The following ZBTB48 variants were observed in gnomAD, a reference collection of about 807,000 sequenced individuals.
ZBTB48 encodes zinc finger and BTB domain-containing protein 48.
A neutral mutation model predicts 64.5 loss-of-function variants in ZBTB48; 35 were observed. That is an observed-to-expected ratio of 0.54 (90% CI 0.41 to 0.72). The LOEUF (loss-of-function observed/expected upper bound fraction) is 0.72. Among genes scored for constraint, ZBTB48 ranks in the 30% least tolerant of loss-of-function variants. The pLI, the probability that ZBTB48 is intolerant of heterozygous loss-of-function variation, is 0.00. For synonymous variants in ZBTB48, 442 were observed against 356.7 expected, an observed-to-expected ratio of 1.24 and a Z score of -2.70; for missense variants, 828 against 895.3, an observed-to-expected ratio of 0.92 and a Z score of 0.96.
chr1:6,581,305 G>A lies in ZBTB48; in HGVS notation c.690+6G>A, dbSNP rs1640446069. On this transcript the variant is annotated splice_donor_region_variant and intron_variant, in intron 2 of 10. Transcript: ENST00000377674. ...TGCAGGGCGGCAGTAATGAGGTACTGTGCCCAGGGTGTTGGGACTGGGGAG... is the reference window on the plus strand; with the variant it reads ...TGCAGGGCGGCAGTAATGAGGTACTATGCCCAGGGTGTTGGGACTGGGGAG... 6.3e-7 allele frequency: 1 copy of A among 1,585,504 alleles called. No homozygotes were observed. The highest frequency in any genetic ancestry group is 1.7e-4 in the Middle Eastern group (1 of 5,812).
intron 2 of ZBTB48, among the ~76,000 whole-genome samples, chr1:6,581,781 T>C (rs1570157096): frequency 6.6e-6 from 1 of 152,214 alleles, no homozygotes; most frequent in Admixed American, 6.5e-5. Flanking sequence ...GCCCCAGCTG[T>C]TCACGGTTGC....
At position 6,587,278 on chromosome 1, in the gene ZBTB48, C is replaced by G. The variant is rs771238679; in HGVS notation, c.1211C>G (p.Pro404Arg). ...CACATGATCAAACTTCATGGAGCCC[C>G]CAAGCCCCATGCAGTAAGTGACAGG... is the stretch of plus-strand genomic sequence containing the variant. Reference protein sequence around the residue: ...QSHMIKLHGAPKPHACPTCAK... With the variant: ...QSHMIKLHGARKPHACPTCAK... Residue 404 changes from proline (P) to arginine (R), a missense_variant, in exon 6 of 11, where the codon CCC becomes CGC. Pro to Arg is a moderately radical substitution (Grantham distance 103). Coordinates refer to ENST00000377674, the MANE Select transcript of ZBTB48 (RefSeq NM_005341.4). 2.5e-6 allele frequency: 4 copies of G among 1,613,956 alleles called. No homozygotes were observed. The South Asian group carries it at 4.4e-5, about 18-fold the overall frequency.
At chr1:6,582,416 C>T (rs910450611) in intron 3 of ZBTB48, 117 bp downstream of exon 3, 10 of 1,346,850 alleles carry the variant, frequency 7.4e-6, no homozygotes, top group Admixed American at 2.1e-5. Context: ...CTCAGACCCA[C>T]ATAGTGTCTG....
In ZBTB48 at chr1:6,587,229, A is replaced by T. The variant is rs754043246; in HGVS notation, c.1162A>T (p.Met388Leu). ...GTGTTCCTCCTGCTCCCAGCAGTTC[A>T]TGCAGAAGAAGGACTTGCAGAGCCA... ...YKCSSCSQQFMQKKDLQSHMI... is the reference protein window; with the variant it reads ...YKCSSCSQQFLQKKDLQSHMI... The change falls in exon 6 of 11, where the codon ATG (methionine) becomes TTG (leucine). Residue 388 changes from methionine to leucine, a missense_variant. By Grantham distance (15) the Met-to-Leu change is conservative. Transcript: ENST00000377674. 1 of 1,614,018 alleles carries T rather than the reference A, an allele frequency of 6.2e-7. No individual in the cohort carries two copies.
At chr1:6,581,678 A>T (rs567940924) in intron 2 of ZBTB48, among the ~76,000 whole-genome samples, 89 of 152,084 alleles carry the variant, frequency 5.9e-4, no homozygotes, top group African/African-American at 1.1e-3. Context: ...AAAAAAAAAA[A>T]ATATGTGGAC....
In ZBTB48 at chr1:6,586,779, C is replaced by T; in HGVS notation, c.1129C>T (p.Pro377Ser). ...CATGGTGTCTCACACAGGGGAGATG[C>T]CCTACAAGGTCAGGCTTGGCCTGTC... ...VHMVSHTGEMPYKCSSCSQQF... is the reference protein window; with the variant it reads ...VHMVSHTGEMSYKCSSCSQQF... Residue 377 changes from proline (P) to serine (S), a missense_variant, in exon 5 of 11, where the codon CCC becomes TCC. Coordinates refer to ENST00000377674, the MANE Select transcript of ZBTB48 (RefSeq NM_005341.4). The T allele has an allele frequency of 6.2e-7, 1 of 1,608,828 alleles. No homozygotes were observed. The highest frequency in any genetic ancestry group is 1.7e-5 in the Admixed American group (1 of 59,422).
intron 9 of ZBTB48, 50 bp downstream of exon 9, chr1:6,588,492 G>A (rs1193057103): frequency 9.6e-6 from 14 of 1,462,920 alleles, no homozygotes; most frequent in Admixed American, 2.6e-5. Flanking sequence ...CGAGTTGGAG[G>A]GTCTCTGAGG....
At position 6,589,179 on chromosome 1, in the gene ZBTB48, C is replaced by T; in HGVS notation, c.2034C>T (p.Ile678=). ...GTGTCCTGGAGCCCTCCCTCATCAT[C>T]ACAGCTGCTGTCCCCGAGGACTGTG... The part of the protein sequence containing the change: ...GPGVLEPSLI[I]TAAVPEDCDT Residue 678 remains isoleucine (I), a synonymous_variant, in exon 11 of 11, where the codon ATC becomes ATT. Transcript: ENST00000377674. 1.3e-6 allele frequency: 2 copies of T among 1,539,236 alleles called. No individual in the cohort carries two copies. Among genetic ancestry groups the T allele is most frequent in the South Asian group, 2.5e-5 (2 of 79,422 alleles).
At chr1:6,586,481 C>T in intron 4 of ZBTB48, 2 of 1,014,952 alleles carry the variant, frequency 2.0e-6, no homozygotes, top group Middle Eastern at 3.4e-4. Flanking sequence ...TGCCCCCAGT[C>T]TGTCTGGGCC....
At position 6,581,267 on chromosome 1, in the gene ZBTB48, G is replaced by T; in HGVS notation, c.658G>T (p.Glu220Ter). 1 of 1,608,648 alleles carries T rather than the reference G, an allele frequency of 6.2e-7. No homozygotes were observed. Residue 220 changes from glutamate (E) to a stop codon, truncating the protein, a stop_gained, in exon 2 of 11, where the codon GAA (glutamate) becomes TAA (stop). Transcript: ENST00000377674. LOFTEE classifies it high-confidence loss of function. ...AGTGCCCCCAAGGCCCTTAGAGGCT[G>T]AAGGTGCCCAGCTGCAGGGCGGCAG... is the stretch of plus-strand genomic sequence containing the variant. ...CKVPPRPLEA[E>*]GAQLQGGSNE...
intron 3 of ZBTB48, chr1:6,585,514 C>CGCAGG (rs1640627161): frequency 5.0e-6 from 1 of 201,906 alleles, no homozygotes; most frequent in African/African-American, 2.3e-5. Context: ...GCTCCCCTGG[C>CGCAGG]TACCTGGGAG....
At chr1:6,587,329 G>T in intron 6 of ZBTB48, 38 bp downstream of exon 6, 3 of 1,613,446 alleles carry the variant, frequency 1.9e-6, no homozygotes, top group Non-Finnish European at 2.5e-6. Flanking sequence ...TTTGATGCTG[G>T]CATGAGCAAG....
rs1640685485 is a variant in ZBTB48, at chr1:6,586,795, T to C, written c.1137+8T>C. On this transcript the variant is annotated splice_region_variant and intron_variant, in intron 5 of 10. Transcript: ENST00000377674. ...GGGGAGATGCCCTACAAGGTCAGGC[T>C]TGGCCTGTCTCCAGGGCCAGGGTTG... The C allele has an allele frequency of 6.2e-7, 1 of 1,608,902 alleles. No individual in the cohort carries two copies. Among genetic ancestry groups the C allele is most frequent in the South Asian group, 1.1e-5 (1 of 90,224 alleles).
chr1:6,587,779 A>G (rs1269752892), intron 7 of ZBTB48, 147 bp downstream of exon 7: 1 of 1,379,250 alleles, frequency 7.3e-7, no homozygotes, highest in Non-Finnish European at 9.7e-7. Flanking sequence ...CCTCTCTGGG[A>G]TAGTGGGACC....
At position 6,588,778 on chromosome 1, in the gene ZBTB48, C is replaced by T. The variant is rs115889581; in HGVS notation, c.1704C>T (p.His568=). The T allele has an allele frequency of 2.7e-3, 4,352 of 1,614,118 alleles. 6 individuals are homozygous for T. Among genetic ancestry groups the T allele is most frequent in the Non-Finnish European group, 3.2e-3 (3,760 of 1,180,038 alleles). The change falls in exon 10 of 11, where the codon CAC becomes CAT. Residue 568 remains histidine (H), a synonymous_variant. Coordinates refer to ENST00000377674, the MANE Select transcript of ZBTB48 (RefSeq NM_005341.4). ...TFKAVEQLRV[H]VRRHKGVRKF... is the part of the protein sequence containing the mutation. ...CAGCCGTGGAGCAACTGCGTGTGCA[C>T]GTCAGACGGCACAAGGGGGTGAGGA... is the stretch of plus-strand genomic sequence containing the variant.
intron 5 of ZBTB48, 106 bp downstream of exon 5, chr1:6,586,893 C>G: frequency 8.5e-6 from 11 of 1,297,680 alleles, no homozygotes; most frequent in Non-Finnish European, 1.1e-5. Context: ...CAGTAGCTGT[C>G]AGGGAGCCTG....
In ZBTB48 at chr1:6,589,065, G is replaced by A. The variant is rs754629282; in HGVS notation, c.1920G>A (p.Glu640=). The A allele has an allele frequency of 1.2e-6, 2 of 1,606,944 alleles. No individual in the cohort carries two copies. Among genetic ancestry groups the A allele is most frequent in the Admixed American group, 3.4e-5 (2 of 58,386 alleles). Residue 640 remains glutamate, a synonymous_variant, in exon 11 of 11, where the codon GAG becomes GAA. Transcript: ENST00000377674. ...CAGAGCTGGAGGTGGGCTCGGCGGAGGTCATTGTGGAGTCCCTGGCCCAGG... is the reference window on the plus strand; with the variant it reads ...CAGAGCTGGAGGTGGGCTCGGCGGAAGTCATTGTGGAGTCCCTGGCCCAGG... The part of the protein sequence containing the change: ...PPAELEVGSA[E]VIVESLAQGG...
Position 6,589,129 on chromosome 1 carries a change from G to A in ZBTB48, c.1984G>A (p.Ala662Thr). Residue 662 changes from alanine (A) to threonine (T), a missense_variant, in exon 11 of 11, where the codon GCA (alanine) becomes ACA (threonine). By Grantham distance (58) the Ala-to-Thr change is moderately conservative. Coordinates refer to ENST00000377674, the MANE Select transcript of ZBTB48 (RefSeq NM_005341.4). ...CCAGCTCCCCGGCCAGAGACTGTGTGCAGAGGAGAGCTTCACCGGCCCAGG... is the reference window on the plus strand; with the variant it reads ...CCAGCTCCCCGGCCAGAGACTGTGTACAGAGGAGAGCTTCACCGGCCCAGG... ...ASQLPGQRLC[A>T]EESFTGPGVL... 17 of 1,595,758 alleles carry A rather than the reference G, an allele frequency of 1.1e-5. No individual in the cohort carries two copies. Among genetic ancestry groups the A allele is most frequent in the Admixed American group, 1.8e-5 (1 of 55,274 alleles).
intron 7 of ZBTB48, 31 bp from the exon 8 acceptor site, chr1:6,588,029 T>C (rs1640739275): frequency 6.2e-7 from 1 of 1,613,150 alleles, no homozygotes; most frequent in South Asian, 1.1e-5. Flanking sequence ...CCCTTGGTGA[T>C]GGCCTCTGCC....
Sources: allele counts gnomAD v4.1 joint callset (sites outside exome capture counted in the v4.1 genomes callset), GRCh38; gene constraint gnomAD v4.1.1; transcripts MANE v1.5; gene names NCBI Gene and HGNC (gene_info 2026-07-23, HGNC 2026-07-21).